ZBTB8OS: variants seen among roughly 807,000 people sequenced by gnomAD.
The protein encoded by ZBTB8OS is tRNA splicing ligase complex subunit 1.
ZBTB8OS carries 16 observed loss-of-function variants against 29.3 expected under a neutral mutation model. That is an observed-to-expected ratio of 0.55 (90% CI 0.37 to 0.83). The LOEUF is 0.83. ZBTB8OS is among the 40% of genes least tolerant of loss of function. The pLI, the probability that ZBTB8OS is intolerant of heterozygous loss-of-function variation, is 0.00. For missense variants in ZBTB8OS, 160 were observed against 196.9 expected (o/e 0.81, Z 1.12); for synonymous variants, 70 against 64.6 (o/e 1.08, Z -0.40).
At chr1:32,638,097 A>G (rs1268767997) in intron 1 of ZBTB8OS, among the ~76,000 whole-genome samples, 1 of 152,140 alleles carries the variant, frequency 6.6e-6, no homozygotes, top group Admixed American at 6.5e-5. Flanking sequence ...CTGGCTTCCC[A>G]AAGTGCTGGG....
chr1:32,637,919 T>A (rs6698213), intron 1 of ZBTB8OS, among the ~76,000 whole-genome samples: 3 of 152,256 alleles, frequency 2.0e-5, no homozygotes, highest in Non-Finnish European at 4.4e-5. Context: ...CTGCAACCTC[T>A]GCCTCCCAGG....
chr1:32,645,252 C>T (rs1274078035), intron 1 of ZBTB8OS, among the ~76,000 whole-genome samples: 3 of 152,074 alleles, frequency 2.0e-5, no homozygotes, highest in Non-Finnish European at 4.4e-5. Flanking sequence ...AATCCCAGCA[C>T]TTTGGGAGGC....
At chr1:32,632,425 G>C (rs955785629) in intron 4 of ZBTB8OS, 2 of 151,706 alleles carry the variant, frequency 1.3e-5, no homozygotes, top group Non-Finnish European at 2.9e-5. Context: ...TTTTTTGTTT[G>C]TTTGTTTGAG....
chr1:32,649,878 G>C (rs1647188408), intron 1 of ZBTB8OS, among the ~76,000 whole-genome samples: 1 of 152,054 alleles, frequency 6.6e-6, no homozygotes, highest in African/African-American at 2.4e-5. Context: ...TGGTCAGGCT[G>C]ATCTCGAACT....
At chr1:32,627,584 C>A in intron 5 of ZBTB8OS, 40 bp from the exon 6 acceptor site, 2 of 1,591,030 alleles carry the variant, frequency 1.3e-6, no homozygotes, top group South Asian at 1.1e-5. Flanking sequence ...GATTTGTTCT[C>A]TCTTTATATG....
At chr1:32,645,575 A>G (rs1646769384) in intron 1 of ZBTB8OS, among the ~76,000 whole-genome samples, 1 of 152,162 alleles carries the variant, frequency 6.6e-6, no homozygotes. Context: ...TTTCTTTCAC[A>G]GACAGAGTCT....
At chr1:32,631,134 C>T (rs1255162632) in intron 5 of ZBTB8OS, among the ~76,000 whole-genome samples, 1 of 151,728 alleles carries the variant, frequency 6.6e-6, no homozygotes, top group Non-Finnish European at 1.5e-5. Context: ...GGCCAGAGGA[C>T]TGCTTGAGCC....
At chr1:32,642,535 G>A (rs549690446) in intron 1 of ZBTB8OS, among the ~76,000 whole-genome samples, 9 of 149,914 alleles carry the variant, frequency 6.0e-5, no homozygotes, top group African/African-American at 9.8e-5. Context: ...GAAATGGCCC[G>A]GCAAAGCTGT....
intron 1 of ZBTB8OS, among the ~76,000 whole-genome samples, chr1:32,646,309 G>C (rs1469346230): frequency 6.6e-6 from 1 of 151,418 alleles, no homozygotes; most frequent in Non-Finnish European, 1.5e-5. Context: ...GTGACAGAAT[G>C]AGACTGTCTC....
In ZBTB8OS at chr1:32,637,073, T is replaced by C. The variant is rs574825311; in HGVS notation, c.98-2281A>G. ...ACTAATCACATTTACACTGATCAAC[T>C]CTTTGTACTTTTTCACTTCTCTGAC... On this transcript the variant is annotated intron_variant, in intron 1 of 6. Transcript: ENST00000468695. Among the ~76,000 whole-genome samples, 3 of 152,082 alleles carry C rather than the reference T, an allele frequency of 2.0e-5. No individual in the cohort carries two copies. The South Asian group carries it at 6.2e-4, about 32-fold the overall frequency.
chr1:32,642,068 C>G (rs1465740287), intron 1 of ZBTB8OS, among the ~76,000 whole-genome samples: 1 of 152,138 alleles, frequency 6.6e-6, no homozygotes, highest in Non-Finnish European at 1.5e-5. Flanking sequence ...CTACAAATCA[C>G]AAATTCTCTT....
intron 1 of ZBTB8OS, among the ~76,000 whole-genome samples, chr1:32,641,208 A>G (rs1646372074): frequency 6.6e-6 from 1 of 151,554 alleles, no homozygotes; most frequent in Admixed American, 6.6e-5. Context: ...TCATTCTTTC[A>G]AGAAAAAGTG....
intron 5 of ZBTB8OS, among the ~76,000 whole-genome samples, chr1:32,631,224 C>A (rs1645529322): frequency 6.6e-6 from 1 of 151,102 alleles, no homozygotes; most frequent in African/African-American, 2.4e-5. Context: ...GGCATAGTGG[C>A]ACACTTGGTG....
At chr1:32,624,379 A>G (rs530736476) in intron 6 of ZBTB8OS, among the ~76,000 whole-genome samples, 63 of 152,146 alleles carry the variant, frequency 4.1e-4, no homozygotes, top group African/African-American at 1.4e-3. Context: ...CGCTTATCCT[A>G]TTACATTTCT....
chr1:32,624,061 TGAA>T (rs754609682), intron 6 of ZBTB8OS, among the ~76,000 whole-genome samples: 6 of 152,130 alleles, frequency 3.9e-5, no homozygotes, highest in Non-Finnish European at 7.3e-5. Context: ...TGCCACAATG[TGAA>T]GAAGGAAGGG....
intron 1 of ZBTB8OS, among the ~76,000 whole-genome samples, chr1:32,647,878 G>C (rs543785931): frequency 5.8e-4 from 88 of 152,264 alleles, no homozygotes; most frequent in African/African-American, 2.1e-3. Context: ...TAATGCGCTT[G>C]AATCATCCTG....
At chr1:32,635,508 G>A (rs1645887147) in intron 1 of ZBTB8OS, among the ~76,000 whole-genome samples, 2 of 152,044 alleles carry the variant, frequency 1.3e-5, no homozygotes, top group Admixed American at 1.3e-4. Flanking sequence ...TTGACCTCAG[G>A]TGATCCGCCC....
chr1:32,646,648 T>C (rs1301928929), intron 1 of ZBTB8OS, among the ~76,000 whole-genome samples: 2 of 151,448 alleles, frequency 1.3e-5, no homozygotes, highest in African/African-American at 4.8e-5. Flanking sequence ...AAAAGTTCTA[T>C]TTTCAAATGT....
intron 1 of ZBTB8OS, among the ~76,000 whole-genome samples, chr1:32,644,057 G>A (rs1646644080): frequency 6.6e-6 from 1 of 152,030 alleles, no homozygotes; most frequent in African/African-American, 2.4e-5. Flanking sequence ...GGTTTAGGAA[G>A]GGGAGGGGGG....
Sources: allele counts gnomAD v4.1 joint callset (sites outside exome capture counted in the v4.1 genomes callset), GRCh38; gene constraint gnomAD v4.1.1; transcripts MANE v1.5; gene names NCBI Gene and HGNC (gene_info 2026-07-23, HGNC 2026-07-21).